Variants in HLA-F observed in about 807,000 individuals in gnomAD.
HLA-F encodes HLA class I histocompatibility antigen, alpha chain F.
In HLA-F, 46 loss-of-function variants were observed where a neutral mutation model predicts 49.5. The observed-to-expected ratio is 0.93, with a 90% confidence interval of 0.73 to 1.19. HLA-F has a LOEUF of 1.19. Ranked by LOEUF, HLA-F falls within the 50% of genes most tolerant of loss-of-function variation. HLA-F has a pLI of 0.00. For missense variants in HLA-F, 496 were observed against 579.6 expected, an observed-to-expected ratio of 0.86 and a Z score of 1.48; for synonymous variants, 203 against 233.5, an observed-to-expected ratio of 0.87 and a Z score of 1.19.
Position 29,725,307 on chromosome 6 carries a change from G to T in HLA-F, c.886+1G>T, listed in dbSNP as rs111642348. Reference sequence around the variant, plus strand: ...CCCCAGCCCCTCATCCTGAGATGGGGTAAGGAGGGAGATGGGTAAAGAGGG... The same window carrying T: ...CCCCAGCCCCTCATCCTGAGATGGGTTAAGGAGGGAGATGGGTAAAGAGGG... On this transcript the variant is annotated splice_donor_variant, in intron 4 of 6. Transcript: ENST00000259951. LOFTEE classifies it high-confidence loss of function. 2 of 1,614,126 alleles carry T rather than the reference G, an allele frequency of 1.2e-6. No homozygotes were observed. Among genetic ancestry groups the T allele is most frequent in the Non-Finnish European group, 8.5e-7 (1 of 1,179,986 alleles).
chr6:29,724,373 A>T lies in HLA-F; in HGVS notation c.535A>T (p.Thr179Ser). The T allele has an allele frequency of 6.2e-7, 1 of 1,613,196 alleles. No individual in the cohort carries two copies. The highest frequency in any genetic ancestry group is 8.5e-7 in the Non-Finnish European group (1 of 1,180,024). ...EAEEYAEEFRTYLEGECLELL... is the reference protein window; with the variant it reads ...EAEEYAEEFRSYLEGECLELL... ...AGAGGAATATGCAGAGGAGTTCAGG[A>T]CCTACCTGGAGGGCGAGTGCCTGGA... The change falls in exon 3 of 7, where the codon ACC (threonine) becomes TCC (serine). Residue 179 changes from threonine to serine, a missense_variant. By Grantham distance (58) the Thr-to-Ser change is moderately conservative. Coordinates refer to ENST00000259951, the MANE Select transcript of HLA-F (RefSeq NM_001098479.2).
At chr6:29,736,589 A>G (rs1158620099) in intron 3 of HLA-F, 4 of 341,826 alleles carry the variant, frequency 1.2e-5, no homozygotes, top group Non-Finnish European at 2.3e-5. Context: ...CAGCCACATC[A>G]AGGAATAGCA....
chr6:29,725,902 A>G, intron 5 of HLA-F, 109 bp from the exon 6 acceptor site: 2 of 1,192,536 alleles, frequency 1.7e-6, no homozygotes, highest in South Asian at 2.5e-5. Context: ...CTGGATCTAC[A>G]GTTACACTTT....
downstream of HLA-F, among the ~76,000 whole-genome samples, chr6:29,731,650 A>G (rs1776628984): frequency 1.3e-5 from 2 of 152,254 alleles, no homozygotes; most frequent in Middle Eastern, 3.4e-3. Flanking sequence ...TCACATGCCA[A>G]TCCCTTCCAG....
intron 3 of HLA-F, chr6:29,735,582 A>G (rs1011727592): frequency 1.3e-5 from 2 of 151,758 alleles, no homozygotes; most frequent in Non-Finnish European, 2.9e-5. Context: ...ATTCATTTCA[A>G]TATGCTCTGT....
At chr6:29,731,230 T>TGG (rs1554229345), downstream of HLA-F, among the ~76,000 whole-genome samples, 7,255 of 36,146 alleles carry the variant, frequency 0.2, 242 homozygotes, top group East Asian at 0.38. Context: ...AGTAGATGGA[T>TGG]ACATAGATAG....
At chr6:29,727,305 C>G, downstream of HLA-F, 1 of 577,650 alleles carries the variant, frequency 1.7e-6, no homozygotes, top group Non-Finnish European at 2.9e-6. Context: ...TATTTAAAGT[C>G]CTTTTATGTT....
intron 4 of HLA-F, 31 bp from the exon 5 acceptor site, chr6:29,725,416 C>T: frequency 1.2e-6 from 2 of 1,610,282 alleles, no homozygotes. Flanking sequence ...GCCTGGAGAT[C>T]AGGGCCCCTC....
chr6:29,723,967 C>G (rs2076181), intron 2 of HLA-F, 40 bp downstream of exon 2: 225,571 of 1,571,418 alleles, frequency 0.14, 19,027 homozygotes, highest in South Asian at 0.3. Context: ...ACGACCACCC[C>G]CCATCCGCCA....
chr6:29,736,880 T>A (rs1777148848), intron 3 of HLA-F: 2 of 152,524 alleles, frequency 1.3e-5, no homozygotes. Context: ...ATAAATAATA[T>A]TTTCATATAT....
In HLA-F at chr6:29,723,496, A is replaced by G. The variant is rs1420405902; in HGVS notation, c.33A>G (p.Ser11=). 1.5e-5 allele frequency: 25 copies of G among 1,613,244 alleles called. No homozygotes were observed. The highest frequency in any genetic ancestry group is 2.1e-5 in the Non-Finnish European group (25 of 1,179,906). MAPRSLLLLL[S]GALALTDTWA... is the part of the protein sequence containing the mutation. ...CCCGAAGCCTCCTCCTGCTGCTCTC[A>G]GGGGCCCTGGCCCTGACCGATACTT... The change falls in exon 1 of 7, where the codon TCA becomes TCG. Residue 11 remains serine, a synonymous_variant. Transcript: ENST00000259951.
At chr6:29,728,423 G>T (rs1776307143), downstream of HLA-F, 1 of 213,174 alleles carries the variant, frequency 4.7e-6, no homozygotes, top group South Asian at 6.8e-5. Flanking sequence ...TCATTACAGG[G>T]CATTGGATGT....
Position 29,723,434 on chromosome 6 carries a change from A to C in HLA-F, c.-30A>C, listed in dbSNP as rs370048273. ...AAGTCCCACGCACCCCGCGGGACTC[A>C]TATTTTTCCCAGACGCGGAGGTTGG... On this transcript the variant is annotated 5_prime_UTR_variant, in exon 1 of 7. Transcript: ENST00000259951. 1.2e-6 allele frequency: 2 copies of C among 1,612,702 alleles called. No individual in the cohort carries two copies. The highest frequency in any genetic ancestry group is 1.7e-6 in the Non-Finnish European group (2 of 1,179,566).
chr6:29,727,561 C>A (rs1776226674), downstream of HLA-F, among the ~76,000 whole-genome samples: 1 of 152,158 alleles, frequency 6.6e-6, no homozygotes, highest in Admixed American at 6.5e-5. Flanking sequence ...TTTCCTCTAA[C>A]TGCTATGCCT....
intron 6 of HLA-F, chr6:29,726,313 C>T: frequency 7.2e-7 from 1 of 1,391,416 alleles, no homozygotes; most frequent in East Asian, 2.3e-5. Context: ...GTTTCTTTGA[C>T]TTGGATGTCT....
In HLA-F at chr6:29,723,937, C is replaced by G; in HGVS notation, c.334+10C>G. 6.3e-7 allele frequency: 1 copy of G among 1,586,356 alleles called. No homozygotes were observed. Among genetic ancestry groups the G allele is most frequent in the Non-Finnish European group, 8.6e-7 (1 of 1,166,686 alleles). On this transcript the variant is annotated intron_variant, in intron 2 of 6. Transcript: ENST00000259951. ...AACCAGAGCGAGGCTGGTGAGTGAA[C>G]CCGGCCGGGGGCGCAGGTCACGACC...
At chr6:29,726,500 GAAT>G (rs2127590271) in intron 6 of HLA-F, 2 of 1,556,434 alleles carry the variant, frequency 1.3e-6, no homozygotes, top group African/African-American at 1.4e-5. Flanking sequence ...TAAAAATAAA[GAAT>G]AAAAATATAT....
chr6:29,725,378 G>A, intron 4 of HLA-F, 69 bp from the exon 5 acceptor site: 1 of 1,610,176 alleles, frequency 6.2e-7, no homozygotes, highest in Non-Finnish European at 8.5e-7. Flanking sequence ...GAGCCCTTCT[G>A]GAGCTCTTCA....
Position 29,725,536 on chromosome 6 carries a change from G to T in HLA-F, c.976G>T (p.Ala326Ser). Residue 326 changes from alanine to serine, a missense_variant, in exon 5 of 7, where the codon GCT becomes TCT. Transcript: ENST00000259951. The stretch of plus-strand genomic sequence containing the variant: ...TGTGGTCACTGGAGCTGTGGTCGCT[G>T]CTGTGATGTGGAGGAAGAAGAGCTC... ...GAVVTGAVVA[A>S]VMWRKKSSDR... The T allele has an allele frequency of 1.2e-6, 2 of 1,614,122 alleles. No individual in the cohort carries two copies. Among genetic ancestry groups the T allele is most frequent in the Non-Finnish European group, 1.7e-6 (2 of 1,179,974 alleles).
Sources: gnomAD v4.1 joint callset for allele counts (sites outside exome capture counted in the v4.1 genomes callset) on GRCh38, gnomAD v4.1.1 for gene constraint, MANE v1.5 for transcripts, NCBI Gene and HGNC (gene_info 2026-07-23, HGNC 2026-07-21) for gene names.